NBEA: variants seen among roughly 807,000 people sequenced by gnomAD.
The protein encoded by NBEA is neurobeachin.
Under a neutral mutation model 343.4 loss-of-function variants are expected in NBEA, and 44 were observed. The ratio of observed to expected loss-of-function variants is 0.13; its 90% CI spans 0.10 to 0.16. The LOEUF is 0.16. Among genes scored for constraint, NBEA ranks in the 10% least tolerant of loss-of-function variants. The pLI is 1.00. For synonymous variants in NBEA, 1,175 were observed against 1,238.7 expected, an observed-to-expected ratio of 0.95 and a Z score of 1.08; for missense variants, 2,555 against 3,631.3, an observed-to-expected ratio of 0.70 and a Z score of 7.62.
chr13:35,014,042 T>C (rs549362091), intron 1 of NBEA, among the ~76,000 whole-genome samples: 1 of 152,322 alleles, frequency 6.6e-6, no homozygotes, highest in Middle Eastern at 3.4e-3. Context: ...TTAATTTTTG[T>C]TGAAAGCTTT....
At chr13:35,138,659 C>T (rs2067883240) in intron 17 of NBEA, among the ~76,000 whole-genome samples, 1 of 151,988 alleles carries the variant, frequency 6.6e-6, no homozygotes, top group Non-Finnish European at 1.5e-5. Flanking sequence ...AGGATTTCAC[C>T]ATGTTGGCCA....
At chr13:35,583,688 T>A (rs548587287) in intron 45 of NBEA, among the ~76,000 whole-genome samples, 1 of 152,228 alleles carries the variant, frequency 6.6e-6, no homozygotes, top group Non-Finnish European at 1.5e-5. Context: ...TACTTTGTAC[T>A]ATGAATTATC....
chr13:35,487,002 A>C (rs964304095), intron 41 of NBEA, among the ~76,000 whole-genome samples: 2 of 151,976 alleles, frequency 1.3e-5, no homozygotes, highest in East Asian at 3.9e-4. Flanking sequence ...TGAAATATTT[A>C]TATACTTTTC....
At chr13:34,996,239 T>A (rs1273151352) in intron 1 of NBEA, among the ~76,000 whole-genome samples, 2 of 152,208 alleles carry the variant, frequency 1.3e-5, no homozygotes, top group Non-Finnish European at 2.9e-5. Flanking sequence ...CAATCCTGAA[T>A]AATTAAATAA....
intron 48 of NBEA, among the ~76,000 whole-genome samples, chr13:35,610,133 GTCT>G (rs1446568563): frequency 6.6e-6 from 1 of 152,208 alleles, no homozygotes; most frequent in Non-Finnish European, 1.5e-5. Flanking sequence ...AGCTCACACT[GTCT>G]TCTTAGCTGT....
Position 35,196,245 on chromosome 13 carries a change from C to G in NBEA, c.5309C>G (p.Pro1770Arg). 6.2e-7 allele frequency: 1 copy of G among 1,613,550 alleles called. No individual in the cohort carries two copies. Among genetic ancestry groups the G allele is most frequent in the Non-Finnish European group, 8.5e-7 (1 of 1,179,680 alleles). ...CGPEPIPYPD[P>R]ALKRETQAIL... ...CCTGAACCTATCCCATACCCAGATCCAGCATTGAAGAGAGAAACACAAGCT... is the reference window on the plus strand; with the variant it reads ...CCTGAACCTATCCCATACCCAGATCGAGCATTGAAGAGAGAAACACAAGCT... Residue 1770 changes from proline (P) to arginine (R), a missense_variant, in exon 31 of 59, where the codon CCA becomes CGA. Physicochemically the swap from Pro to Arg is moderately radical, Grantham distance 103. This residue lies in a region of NBEA where 270 missense variants were observed against 293.3 expected (regional missense o/e 0.92). Transcript: ENST00000379939.
chr13:35,443,596 T>A (rs917893270), intron 39 of NBEA, among the ~76,000 whole-genome samples: 1 of 151,984 alleles, frequency 6.6e-6, no homozygotes, highest in Non-Finnish European at 1.5e-5. Flanking sequence ...TAAATTTGCT[T>A]AGTAAATACT....
At chr13:35,027,433 G>T (rs1041459152) in intron 1 of NBEA, among the ~76,000 whole-genome samples, 11 of 149,438 alleles carry the variant, frequency 7.4e-5, no homozygotes, top group Non-Finnish European at 1.6e-4. Flanking sequence ...ACTGTTTTCT[G>T]TTTTAACTGT....
At chr13:35,525,945 A>C (rs770215573) in intron 41 of NBEA, among the ~76,000 whole-genome samples, 1 of 152,166 alleles carries the variant, frequency 6.6e-6, no homozygotes, top group Non-Finnish European at 1.5e-5. Context: ...AGGTTTTAGC[A>C]TATGAATTTC....
intron 49 of NBEA, among the ~76,000 whole-genome samples, chr13:35,636,431 A>G (rs569692126): frequency 1.3e-5 from 2 of 152,358 alleles, no homozygotes; most frequent in South Asian, 2.1e-4. Flanking sequence ...TACTAAAAGT[A>G]TATGATTTCA....
At chr13:35,336,582 ACTGC>A (rs751605417) in intron 36 of NBEA, among the ~76,000 whole-genome samples, 17,432 of 152,116 alleles carry the variant, frequency 0.11, 1,205 homozygotes, top group East Asian at 0.22. Flanking sequence ...GCAAATGTTC[ACTGC>A]AGCATCATTC....
intron 1 of NBEA, among the ~76,000 whole-genome samples, chr13:35,013,769 T>G (rs1296428691): frequency 1.3e-5 from 2 of 152,138 alleles, no homozygotes; most frequent in African/African-American, 4.8e-5. Context: ...GTGCCCTGCC[T>G]AAACATGTAT....
intron 36 of NBEA, among the ~76,000 whole-genome samples, chr13:35,323,673 C>G (rs1157000616): frequency 6.6e-6 from 1 of 151,586 alleles, no homozygotes; most frequent in Non-Finnish European, 1.5e-5. Context: ...ATGTAACTAA[C>G]CTGCACATTG....
intron 10 of NBEA, among the ~76,000 whole-genome samples, chr13:35,090,638 T>C (rs2065034798): frequency 6.6e-6 from 1 of 151,838 alleles, no homozygotes; most frequent in Non-Finnish European, 1.5e-5. Flanking sequence ...TCTGTCTAAT[T>C]AGTATGTTGA....
intron 34 of NBEA, chr13:35,251,856 G>A (rs117201510): frequency 0.031 from 4,887 of 157,066 alleles, 108 homozygotes; most frequent in Non-Finnish European, 0.045. Flanking sequence ...CTGCACCTCC[G>A]CGGGCCAACT....
At chr13:35,479,732 CCA>C (rs2076044120) in intron 41 of NBEA, among the ~76,000 whole-genome samples, 1 of 151,942 alleles carries the variant, frequency 6.6e-6, no homozygotes, top group Non-Finnish European at 1.5e-5. Flanking sequence ...TTAAAAAACT[CCA>C]GTTATACCAG....
chr13:35,466,039 A>G (rs2075372402), intron 40 of NBEA, among the ~76,000 whole-genome samples: 2 of 152,192 alleles, frequency 1.3e-5, no homozygotes, highest in African/African-American at 4.8e-5. Flanking sequence ...GCTAAATTTC[A>G]GTATTCAGTT....
Position 35,654,999 on chromosome 13 carries a change from C to G in NBEA, c.8180C>G (p.Ser2727Cys), listed in dbSNP as rs1033489736. 1 of 1,537,850 alleles carries G rather than the reference C, an allele frequency of 6.5e-7. No individual in the cohort carries two copies. Among genetic ancestry groups the G allele is most frequent in the Non-Finnish European group, 8.7e-7 (1 of 1,149,344 alleles). ...TGGGATAAGAGCTTCAGAGTTTATT[C>G]TACAGAAACAGGTAATCCTAACTAT... ...GFWDKSFRVY[S>C]TETGKLTQIV... The change falls in exon 54 of 59, where the codon TCT becomes TGT. Residue 2727 changes from serine (S) to cysteine (C), a missense_variant. Around this residue, in one of 21 missense-constraint regions of NBEA, gnomAD observed 186 missense variants for 328.9 expected, o/e 0.57. Coordinates refer to ENST00000379939, the MANE Select transcript of NBEA (RefSeq NM_001385012.1).
chr13:35,427,847 C>G (rs1018939387), intron 38 of NBEA, among the ~76,000 whole-genome samples: 2 of 152,208 alleles, frequency 1.3e-5, no homozygotes, highest in African/African-American at 4.8e-5. Flanking sequence ...GCGCCCCTTC[C>G]CCAGTCTCAC....
Sources: allele counts gnomAD v4.1 joint callset (sites outside exome capture counted in the v4.1 genomes callset), GRCh38; gene constraint gnomAD v4.1.1; regional missense constraint gnomAD v4.1.1; transcripts MANE v1.5; gene names NCBI Gene and HGNC (gene_info 2026-07-23, HGNC 2026-07-21).